Variants in ASTN1 observed in about 807,000 individuals in gnomAD.
The protein encoded by ASTN1 is astrotactin 1, also known as astrotactin-1.
A neutral mutation model predicts 140.7 loss-of-function variants in ASTN1; 41 were observed. The ratio of observed to expected loss-of-function variants is 0.29; its 90% CI spans 0.23 to 0.38. The LOEUF is 0.38. Ranked by LOEUF, ASTN1 falls within the 10% of genes least tolerant of loss-of-function variation. ASTN1 has a pLI of 1.00. For synonymous variants in ASTN1, 640 were observed against 652.2 expected, an observed-to-expected ratio of 0.98 and a Z score of 0.29; for missense variants, 1,479 against 1,678.8, an observed-to-expected ratio of 0.88 and a Z score of 2.08.
intron 1 of ASTN1, among the ~76,000 whole-genome samples, chr1:177,126,227 C>G (rs1681640018): frequency 6.6e-6 from 1 of 152,140 alleles, no homozygotes; most frequent in African/African-American, 2.4e-5. Flanking sequence ...GGGCTTCCCA[C>G]CTCTGAGACC....
intron 1 of ASTN1, among the ~76,000 whole-genome samples, chr1:177,149,042 A>T (rs576607722): frequency 3.2e-4 from 45 of 141,582 alleles, no homozygotes; most frequent in African/African-American, 1.2e-3. Context: ...ATATATAGTA[A>T]ATATATATAT....
chr1:176,925,646 T>C (rs1179487550), intron 16 of ASTN1, among the ~76,000 whole-genome samples: 1 of 152,144 alleles, frequency 6.6e-6, no homozygotes, highest in East Asian at 1.9e-4. Context: ...CCAGGGTTGA[T>C]TTCTGGTCCG....
At chr1:177,078,776 T>C (rs1679041619) in intron 1 of ASTN1, among the ~76,000 whole-genome samples, 1 of 152,154 alleles carries the variant, frequency 6.6e-6, no homozygotes, top group African/African-American at 2.4e-5. Context: ...GGAAAGGACA[T>C]ACATTCTTTT....
Position 177,141,093 on chromosome 1 carries a change from G to A in ASTN1, c.283+23301C>T, listed in dbSNP as rs189222849. On this transcript the variant is annotated intron_variant, in intron 1 of 22. Transcript: ENST00000361833. ...TAGCCGGACGTGGTGGCAGGCACCC[G>A]TAATCCCAGCTACTCGGGAGGCTGA... Among the ~76,000 whole-genome samples, 73 of 152,212 alleles carry A rather than the reference G, an allele frequency of 4.8e-4. 1 individual carries two copies. The highest frequency in any genetic ancestry group is 3.4e-3 in the Middle Eastern group (1 of 294).
intron 16 of ASTN1, among the ~76,000 whole-genome samples, chr1:176,903,368 GTA>G (rs1168975541): frequency 6.6e-6 from 1 of 151,530 alleles, no homozygotes; most frequent in Non-Finnish European, 1.5e-5. Context: ...AATTCTACTG[GTA>G]CTTTGTGCCT....
intron 7 of ASTN1, among the ~76,000 whole-genome samples, chr1:177,021,744 G>C (rs192209251): frequency 1.3e-5 from 2 of 152,156 alleles, no homozygotes; most frequent in Admixed American, 1.3e-4. Flanking sequence ...AGCATCCAAA[G>C]CTCCCCCCGG....
intron 17 of ASTN1, among the ~76,000 whole-genome samples, chr1:176,891,613 G>C (rs533356744): frequency 1.3e-5 from 2 of 152,148 alleles, no homozygotes; most frequent in East Asian, 1.9e-4. Context: ...GACCAACATG[G>C]AGAAACCCCA....
At chr1:177,031,411 G>A (rs1054294771) in intron 3 of ASTN1, among the ~76,000 whole-genome samples, 2 of 152,146 alleles carry the variant, frequency 1.3e-5, no homozygotes, top group African/African-American at 4.8e-5. Flanking sequence ...TGTGTTATCT[G>A]TTGGCCTCCT....
At chr1:177,021,537 A>G (rs1675825065) in intron 7 of ASTN1, among the ~76,000 whole-genome samples, 1 of 152,260 alleles carries the variant, frequency 6.6e-6, no homozygotes. Flanking sequence ...TGCAGATTTC[A>G]TGATAAATAA....
intron 16 of ASTN1, among the ~76,000 whole-genome samples, chr1:176,932,641 G>C (rs987413688): frequency 6.6e-6 from 1 of 152,236 alleles, no homozygotes; most frequent in Admixed American, 6.5e-5. Flanking sequence ...CACTTAGACT[G>C]TGGCAAAACT....
At chr1:177,058,179 G>C (rs137926171) in intron 2 of ASTN1, among the ~76,000 whole-genome samples, 15 of 152,246 alleles carry the variant, frequency 9.9e-5, no homozygotes, top group African/African-American at 3.6e-4. Flanking sequence ...ATCTTTGACA[G>C]GGAAAGGAGC....
At chr1:176,902,076 A>T (rs973060371) in intron 16 of ASTN1, among the ~76,000 whole-genome samples, 5 of 152,228 alleles carry the variant, frequency 3.3e-5, no homozygotes, top group African/African-American at 1.2e-4. Context: ...TGTAAGGTCC[A>T]CTGAGATAAT....
intron 8 of ASTN1, chr1:176,981,553 G>A (rs1316794518): frequency 6.6e-6 from 1 of 152,346 alleles, no homozygotes; most frequent in Non-Finnish European, 1.5e-5. Context: ...CAGGGAGAAT[G>A]CCACAAGAAG....
intron 2 of ASTN1, among the ~76,000 whole-genome samples, chr1:177,051,809 T>C (rs879799538): frequency 3.3e-5 from 5 of 152,176 alleles, no homozygotes; most frequent in South Asian, 2.1e-4. Context: ...CACCCACTAC[T>C]CTAAGTCTTC....
intron 8 of ASTN1, among the ~76,000 whole-genome samples, chr1:176,985,987 G>A (rs943391221): frequency 6.6e-6 from 1 of 152,024 alleles, no homozygotes; most frequent in African/African-American, 2.4e-5. Context: ...TGGCCGGTGA[G>A]CAGGGTGAAC....
At chr1:177,003,824 G>T (rs940595340) in intron 8 of ASTN1, among the ~76,000 whole-genome samples, 5 of 146,210 alleles carry the variant, frequency 3.4e-5, no homozygotes, top group Non-Finnish European at 7.4e-5. Context: ...AAAAAAAAAA[G>T]AAAGAAAGAA....
chr1:176,927,648 T>C (rs1384624553), intron 16 of ASTN1, among the ~76,000 whole-genome samples: 1 of 152,166 alleles, frequency 6.6e-6, no homozygotes, highest in East Asian at 1.9e-4. Context: ...AAAATGTGGA[T>C]GTTAATTACA....
At chr1:176,949,159 G>A (rs1487426598) in intron 12 of ASTN1, 26 bp downstream of exon 12, 2 of 1,612,456 alleles carry the variant, frequency 1.2e-6, no homozygotes, top group Non-Finnish European at 1.7e-6. Flanking sequence ...TGGACGCCAG[G>A]TGGCCTCGCT....
chr1:177,069,315 T>C (rs1277586603), intron 1 of ASTN1, among the ~76,000 whole-genome samples: 1 of 152,210 alleles, frequency 6.6e-6, no homozygotes, highest in Admixed American at 6.5e-5. Flanking sequence ...CCCCGCTTTG[T>C]AGAACTAGAC....
Sources: allele counts gnomAD v4.1 joint callset (sites outside exome capture counted in the v4.1 genomes callset), GRCh38; gene constraint gnomAD v4.1.1; transcripts MANE v1.5; gene names NCBI Gene and HGNC (gene_info 2026-07-23, HGNC 2026-07-21).